PLCE1: variants seen among roughly 807,000 people sequenced by gnomAD.
PLCE1 encodes 1-phosphatidylinositol 4,5-bisphosphate phosphodiesterase epsilon-1.
A neutral mutation model predicts 242.8 loss-of-function variants in PLCE1; 119 were observed. The ratio of observed to expected loss-of-function variants is 0.49; its 90% confidence interval spans 0.42 to 0.57. The LOEUF is 0.57. Ranked by LOEUF, PLCE1 falls within the 20% of genes least tolerant of loss-of-function variation. The pLI is 0.00. For missense variants in PLCE1, 2,441 were observed against 2,788.8 expected (o/e 0.88, Z 2.81); for synonymous variants, 945 against 1,017.4 (o/e 0.93, Z 1.35).
chr10:94,238,546 G>A (rs556295553), intron 7 of PLCE1, among the ~76,000 whole-genome samples: 119 of 152,248 alleles, frequency 7.8e-4, no homozygotes, highest in Non-Finnish European at 1.1e-3. Context: ...AACTCCTGAA[G>A]ATTAGGAACA....
chr10:94,297,590 T>TAAAAAAAAAAAAAAAAAAA lies in PLCE1; in HGVS notation c.5168-770_5168-752dup, dbSNP rs71031568. 1.6e-4 allele frequency among the ~76,000 whole-genome samples: 9 copies of TAAAAAAAAAAAAAAAAAAA among 56,582 alleles called. 1 individual carries two copies. The highest frequency in any genetic ancestry group is 2.4e-4 in the Admixed American group (1 of 4,200). 37.1% of individuals were successfully genotyped at this position (56,582 alleles called of 152,430 possible). A position where few individuals can be genotyped will look rare whatever the true frequency, so the allele number is the denominator to read the frequency against. On this transcript the variant is annotated intron_variant, in intron 23 of 32. Coordinates refer to ENST00000371380, the MANE Select transcript of PLCE1 (RefSeq NM_016341.4). ...AGGCCTGCCCCAAACTTTAAATTTG[T>TAAAAAAAAAAAAAAAAAAA]AAAAAAAAAAAAAAAAAAAAAAAAA...
Position 94,053,516 on chromosome 10 carries a change from T to C in PLCE1, c.1206+21264T>C, listed in dbSNP as rs147020446. On this transcript the variant is annotated intron_variant, in intron 2 of 32. Transcript: ENST00000371380. The stretch of plus-strand genomic sequence containing the variant: ...TTATAGTCGGTTGCCCCTCCTAGAT[T>C]GTAAGCCTGCTGGCCGGAGGGAGCA... 1.8e-4 allele frequency among the ~76,000 whole-genome samples: 28 copies of C among 152,324 alleles called. No homozygotes were observed. In the East Asian group the frequency reaches 5.4e-3, roughly 29 times the overall value.
rs1467670715 is a variant in PLCE1, at chr10:94,031,265, C to T, written c.219C>T (p.Leu73=). The T allele has an allele frequency of 6.2e-7, 1 of 1,613,836 alleles. No homozygotes were observed. The highest frequency in any genetic ancestry group is 8.5e-7 in the Non-Finnish European group (1 of 1,179,862). Residue 73 remains leucine (L), a synonymous_variant, in exon 2 of 33, where the codon CTC becomes CTT. Coordinates refer to ENST00000371380, the MANE Select transcript of PLCE1 (RefSeq NM_016341.4). ...CTGGAAGCAACTTGCCAAAGATTCTCTCAATAGCGAGGGAGAAAATAGTGA... is the reference window on the plus strand; with the variant it reads ...CTGGAAGCAACTTGCCAAAGATTCTTTCAATAGCGAGGGAGAAAATAGTGA... The part of the protein sequence containing the change: ...EPSGSNLPKI[L]SIAREKIVSD...
intron 2 of PLCE1, among the ~76,000 whole-genome samples, chr10:94,032,632 C>T (rs1398544627): frequency 6.6e-6 from 1 of 151,940 alleles, no homozygotes; most frequent in Non-Finnish European, 1.5e-5. Flanking sequence ...GAACTTAATT[C>T]TGTTTTTTTT....
At chr10:94,170,954 T>TACC (rs902709218) in intron 3 of PLCE1, among the ~76,000 whole-genome samples, 1 of 151,984 alleles carries the variant, frequency 6.6e-6, no homozygotes, top group African/African-American at 2.4e-5. Flanking sequence ...AAACCAACCC[T>TACC]ACCACCACCA....
At chr10:94,014,669 T>G (rs2134305172) in intron 1 of PLCE1, among the ~76,000 whole-genome samples, 1 of 152,338 alleles carries the variant, frequency 6.6e-6, no homozygotes, top group South Asian at 2.1e-4. Context: ...AAAGCCCCGA[T>G]GGATCATGGG....
At chr10:94,250,309 C>T (rs2050832333) in intron 8 of PLCE1, among the ~76,000 whole-genome samples, 1 of 151,974 alleles carries the variant, frequency 6.6e-6, no homozygotes, top group African/African-American at 2.4e-5. Flanking sequence ...CGAGACCAGC[C>T]TGGCCAACAT....
At chr10:94,243,678 G>A (rs1039258115) in intron 7 of PLCE1, among the ~76,000 whole-genome samples, 2 of 152,258 alleles carry the variant, frequency 1.3e-5, no homozygotes, top group African/African-American at 4.8e-5. Flanking sequence ...TTAGAACATT[G>A]CCAGCACCCC....
intron 3 of PLCE1, among the ~76,000 whole-genome samples, chr10:94,139,701 C>G (rs561183002): frequency 2.3e-4 from 35 of 152,224 alleles, no homozygotes; most frequent in African/African-American, 5.8e-4. Flanking sequence ...GCCTTGCCCC[C>G]CTTTCCTCCC....
chr10:93,994,832 A>G (rs1356970003), intron 1 of PLCE1, among the ~76,000 whole-genome samples: 1 of 152,212 alleles, frequency 6.6e-6, no homozygotes, highest in Non-Finnish European at 1.5e-5. Flanking sequence ...GCCATCAGAC[A>G]CTGAGTTCAG....
chr10:94,285,402 T>TA (rs2052403562), intron 22 of PLCE1, among the ~76,000 whole-genome samples: 1 of 152,186 alleles, frequency 6.6e-6, no homozygotes, highest in East Asian at 1.9e-4. Context: ...TCAGTCAAGA[T>TA]TCTTTTGTTT....
In PLCE1 at chr10:93,994,029, G is replaced by A. The variant is rs2060769670; in HGVS notation, c.-594G>A. ...GCAACGCGGCGGGCGGCGGGCTCGC[G>A]CGGCGGGAGGGGCAGCGGCGGCGCG... On this transcript the variant is annotated 5_prime_UTR_variant, in exon 1 of 33. Transcript: ENST00000371380. 6.6e-6 allele frequency among the ~76,000 whole-genome samples: 1 copy of A among 151,732 alleles called. No individual in the cohort carries two copies. Among genetic ancestry groups the A allele is most frequent in the Non-Finnish European group, 1.5e-5 (1 of 67,842 alleles).
At chr10:94,171,102 G>A in intron 3 of PLCE1, 78 bp from the exon 4 acceptor site, 1 of 1,175,066 alleles carries the variant, frequency 8.5e-7, no homozygotes, top group Non-Finnish European at 1.3e-6. Flanking sequence ...TACAAGATTT[G>A]GAATGGCTCT....
chr10:94,020,972 G>C (rs1166023111), intron 1 of PLCE1, among the ~76,000 whole-genome samples: 1 of 152,088 alleles, frequency 6.6e-6, no homozygotes, highest in African/African-American at 2.4e-5. Flanking sequence ...TGGGATTACA[G>C]GTTTGCACCA....
intron 1 of PLCE1, among the ~76,000 whole-genome samples, chr10:94,019,470 C>A (rs1276935995): frequency 6.6e-6 from 1 of 152,212 alleles, no homozygotes; most frequent in Non-Finnish European, 1.5e-5. Flanking sequence ...CCCTCCCCAT[C>A]ACCCACCCTG....
chr10:94,303,946 G>T (rs1239183189), intron 24 of PLCE1, among the ~76,000 whole-genome samples: 1 of 152,112 alleles, frequency 6.6e-6, no homozygotes, highest in Non-Finnish European at 1.5e-5. Context: ...ATCTAGAGAT[G>T]ATTTTAAGTA....
At position 94,092,784 on chromosome 10, in the gene PLCE1, A is replaced by G. The variant is rs958384206; in HGVS notation, c.1207-39390A>G. 3.3e-5 allele frequency among the ~76,000 whole-genome samples: 5 copies of G among 152,236 alleles called. No homozygotes were observed. The South Asian group carries it at 1.0e-3, about 32-fold the overall frequency. On this transcript the variant is annotated intron_variant, in intron 2 of 32. Coordinates refer to ENST00000371380, the MANE Select transcript of PLCE1 (RefSeq NM_016341.4). ...TCACACATAATTTAAGGAGCATTCT[A>G]TAAGAAACTGACATTAAAGCAAAAA...
rs114839499 is a variant in PLCE1 at position 94,181,013 on chromosome 10, C to A, written c.1809+9517C>A. 3.5e-3 allele frequency among the ~76,000 whole-genome samples: 536 copies of A among 152,312 alleles called. 5 individuals carry two copies. The highest frequency in any genetic ancestry group is 0.012 in the African/African-American group (508 of 41,576). ...GACAGATAGCTTTGAAATTCAAAATCTTAAGTCCTACCTGTGCTCCCAGTT... is the reference window on the plus strand; with the variant it reads ...GACAGATAGCTTTGAAATTCAAAATATTAAGTCCTACCTGTGCTCCCAGTT... On this transcript the variant is annotated intron_variant, in intron 4 of 32. Transcript: ENST00000371380.
chr10:94,192,707 TG>T (rs2048707172), intron 4 of PLCE1, among the ~76,000 whole-genome samples: 1 of 152,216 alleles, frequency 6.6e-6, no homozygotes, highest in Non-Finnish European at 1.5e-5. Context: ...GCAATGAGAT[TG>T]CTGGGTCGAA....
Sources: allele counts gnomAD v4.1 joint callset (sites outside exome capture counted in the v4.1 genomes callset), GRCh38; gene constraint gnomAD v4.1.1; transcripts MANE v1.5; gene names NCBI Gene and HGNC (gene_info 2026-07-23, HGNC 2026-07-21).